Variants in CRISP2 observed in about 807,000 individuals in gnomAD.
The protein encoded by CRISP2 is cysteine rich secretory protein 2.
CRISP2 carries 29 observed loss-of-function variants against 31.7 expected under a neutral mutation model. That is an observed-to-expected ratio of 0.92 (90% CI 0.68 to 1.25). The LOEUF (loss-of-function observed/expected upper bound fraction) is 1.25, where lower values mean the gene tolerates loss of function less well. CRISP2 is among the 50% of genes most tolerant of loss of function. The pLI, the probability that CRISP2 is intolerant of heterozygous loss-of-function variation, is 0.00. For missense variants in CRISP2, 318 were observed against 286.5 expected (o/e 1.11, Z -0.79); for synonymous variants, 111 against 101.4 (o/e 1.09, Z -0.57).
At chr6:49,690,372 T>C (rs574271883), downstream of CRISP2, among the ~76,000 whole-genome samples, 2 of 152,164 alleles carry the variant, frequency 1.3e-5, no homozygotes, top group South Asian at 2.1e-4. Flanking sequence ...GAAGGAGTAA[T>C]TTCATATGAA....
At chr6:49,704,109 C>T (rs780615531) in intron 4 of CRISP2, among the ~76,000 whole-genome samples, 1 of 152,068 alleles carries the variant, frequency 6.6e-6, no homozygotes, top group Non-Finnish European at 1.5e-5. Context: ...TATCTTCAAG[C>T]TCTGAAGTTC....
At position 49,700,652 on chromosome 6, in the gene CRISP2, C is replaced by T. The variant is rs1214624147; in HGVS notation, c.183+16G>A. The T allele has an allele frequency of 6.7e-7, 1 of 1,503,050 alleles. No homozygotes were observed. The highest frequency in any genetic ancestry group is 1.4e-5 in the African/African-American group (1 of 72,378). 93.1% of individuals were successfully genotyped at this position (1,503,050 alleles called of 1,614,324 possible). A position where few individuals can be genotyped will look rare whatever the true frequency, so the allele number is the denominator to read the frequency against. ...CAGCTGATTCACACCCATCTCCTTA[C>T]AGCACTGCCTCTTACCATCTTTAGC... On this transcript the variant is annotated intron_variant, in intron 5 of 9. Transcript: ENST00000339139.
At chr6:49,690,097 C>A (rs1764001678), downstream of CRISP2, among the ~76,000 whole-genome samples, 2 of 152,018 alleles carry the variant, frequency 1.3e-5, no homozygotes, top group Admixed American at 1.3e-4. Context: ...GTTTGCTTAT[C>A]AAAAAAGTTT....
At chr6:49,697,621 T>C (rs560695620) in intron 8 of CRISP2, 32 of 1,085,070 alleles carry the variant, frequency 2.9e-5, no homozygotes, top group Non-Finnish European at 3.5e-5. Flanking sequence ...GGAAGGCCAA[T>C]TGAAAGAAAA....
chr6:49,678,434 T>C, the CRISP2 span, among the ~76,000 whole-genome samples: 1 of 152,070 alleles, frequency 6.6e-6, no homozygotes, highest in African/African-American at 2.4e-5. Flanking sequence ...TCTATAAAAC[T>C]TGGGAGAAAA....
At chr6:49,677,147 A>T in the CRISP2 span, among the ~76,000 whole-genome samples, 4,599 of 152,182 alleles carry the variant, frequency 0.03, 246 homozygotes, top group African/African-American at 0.11. Flanking sequence ...TGGCAGCACC[A>T]CTGGTGTAGT....
At chr6:49,712,456 A>G (rs1026045864) in intron 2 of CRISP2, 45 bp downstream of exon 2, 4 of 150,748 alleles carry the variant, frequency 2.7e-5, no homozygotes, top group Admixed American at 2.0e-4. Flanking sequence ...CCATATTGAT[A>G]TATAGTTGAA....
chr6:49,682,965 C>T, the CRISP2 span, among the ~76,000 whole-genome samples: 2 of 151,752 alleles, frequency 1.3e-5, no homozygotes, highest in Non-Finnish European at 2.9e-5. Flanking sequence ...TCAGAACCAG[C>T]CTGGCCAACA....
At chr6:49,705,306 A>G (rs566765223) in intron 4 of CRISP2, among the ~76,000 whole-genome samples, 1 of 152,176 alleles carries the variant, frequency 6.6e-6, no homozygotes, top group Admixed American at 6.5e-5. Context: ...CAGAAGTGAC[A>G]GGCTTCACTA....
rs1214427161 is a variant in CRISP2 at position 49,701,525 on chromosome 6, T to TACAC, written c.67-745_67-742dup. Among the ~76,000 whole-genome samples the TACAC allele has an allele frequency of 7.0e-4, 57 of 81,094 alleles. 3 individuals carry two copies. The highest frequency in any genetic ancestry group is 1.5e-3 in the Admixed American group (11 of 7,564). 53.2% of individuals were successfully genotyped at this position (81,094 alleles called of 152,430 possible). On this transcript the variant is annotated intron_variant, in intron 4 of 9. Transcript: ENST00000339139. Reference sequence around the variant, plus strand: ...GTATATATATATATATATATATATATACACACACACACACACACAGTATAT... The same window carrying TACAC: ...GTATATATATATATATATATATATATACACACACACACACACACACACAGTATAT...
downstream of CRISP2, among the ~76,000 whole-genome samples, chr6:49,689,380 C>T (rs1581998111): frequency 6.6e-6 from 1 of 151,876 alleles, no homozygotes; most frequent in Non-Finnish European, 1.5e-5. Context: ...TATTTTCTTG[C>T]TTATATGTAT....
chr6:49,713,588 T>G (rs1182445385), upstream of CRISP2: 1 of 152,210 alleles, frequency 6.6e-6, no homozygotes, highest in Non-Finnish European at 1.5e-5. Context: ...AGGCGCCACG[T>G]GTGGGCGACG....
At chr6:49,686,381 T>C in the CRISP2 span, among the ~76,000 whole-genome samples, 1 of 152,218 alleles carries the variant, frequency 6.6e-6, no homozygotes, top group Admixed American at 6.5e-5. Flanking sequence ...AGAAGCGAAT[T>C]AATGATCATT....
At chr6:49,685,968 G>T in the CRISP2 span, among the ~76,000 whole-genome samples, 5 of 151,932 alleles carry the variant, frequency 3.3e-5, no homozygotes, top group African/African-American at 1.2e-4. Context: ...TTACACCATT[G>T]TCATCCTCCA....
the CRISP2 span, among the ~76,000 whole-genome samples, chr6:49,678,987 A>G: frequency 1.3e-5 from 2 of 152,308 alleles, no homozygotes; most frequent in South Asian, 4.1e-4. Flanking sequence ...CCCTATCACT[A>G]TACTTCAGAC....
At chr6:49,683,526 C>T in the CRISP2 span, among the ~76,000 whole-genome samples, 5 of 149,098 alleles carry the variant, frequency 3.4e-5, no homozygotes, top group Admixed American at 6.7e-5. Flanking sequence ...TAGCCGGGCA[C>T]GGTGGCAGGC....
In CRISP2 at chr6:49,709,221, C is replaced by A. The variant is rs1349338417; in HGVS notation, c.-9-16G>T. The A allele has an allele frequency of 6.2e-7, 1 of 1,611,578 alleles. No individual in the cohort carries two copies. Among genetic ancestry groups the A allele is most frequent in the East Asian group, 2.2e-5 (1 of 44,850 alleles). On this transcript the variant is annotated splice_polypyrimidine_tract_variant and intron_variant, in intron 3 of 9. Transcript: ENST00000339139. ...TTGCTGGAAACTAAGTCAAGAAAAACAAAGGTCTGCATTGAAATATGTAGT... is the reference window on the plus strand; with the variant it reads ...TTGCTGGAAACTAAGTCAAGAAAAAAAAAGGTCTGCATTGAAATATGTAGT...
chr6:49,689,647 C>A (rs950184472), downstream of CRISP2, among the ~76,000 whole-genome samples: 4 of 151,950 alleles, frequency 2.6e-5, no homozygotes, highest in Non-Finnish European at 5.9e-5. Flanking sequence ...TACTCCATAA[C>A]TTTTACATTT....
chr6:49,695,863 G>C lies in CRISP2; in HGVS notation c.577C>G (p.Pro193Ala), dbSNP rs1487960903. ...YQQGTPCAGC[P>A]DDCDKGLCTN... ...CATAGTCCTTTGTCACAGTCATCAG[G>C]GCAACCGGCACAAGGTGTTCCTTGT... is the stretch of plus-strand genomic sequence containing the variant. Residue 193 changes from proline (P) to alanine (A), a missense_variant, in exon 9 of 10, where the codon CCT becomes GCT. Coordinates refer to ENST00000339139, the MANE Select transcript of CRISP2 (RefSeq NM_003296.4). The C allele has an allele frequency of 6.2e-7, 1 of 1,613,048 alleles. No homozygotes were observed. The highest frequency in any genetic ancestry group is 1.7e-5 in the Admixed American group (1 of 59,932).
Sources: allele counts gnomAD v4.1 joint callset (sites outside exome capture counted in the v4.1 genomes callset), GRCh38; gene constraint gnomAD v4.1.1; transcripts MANE v1.5; gene names NCBI Gene and HGNC (gene_info 2026-07-23, HGNC 2026-07-21).